Variants in QPRT observed in about 807,000 individuals in gnomAD.
QPRT encodes nicotinate-nucleotide pyrophosphorylase [carboxylating].
A neutral mutation model predicts 19.8 loss-of-function variants in QPRT; 17 were observed. The observed-to-expected ratio is 0.86, with a 90% CI of 0.59 to 1.29. QPRT has a LOEUF of 1.29. QPRT is among the 50% of genes most tolerant of loss of function. QPRT has a pLI of 0.00. For synonymous variants in QPRT, 178 were observed against 191.0 expected, an observed-to-expected ratio of 0.93 and a Z score of 0.56; for missense variants, 336 against 405.1, an observed-to-expected ratio of 0.83 and a Z score of 1.46.
chr16:29,696,139 T>C (rs1365125002), intron 2 of QPRT: 1 of 152,144 alleles, frequency 6.6e-6, no homozygotes, highest in African/African-American at 2.4e-5. Context: ...CAGGTCCAAA[T>C]GCCAAATATT....
upstream of QPRT, chr16:29,679,061 G>C: frequency 6.6e-7 from 1 of 1,510,506 alleles, no homozygotes; most frequent in East Asian, 2.3e-5. Flanking sequence ...CAGGAGGGAG[G>C]CTTGGGGAGC....
intron 1 of QPRT, among the ~76,000 whole-genome samples, chr16:29,679,559 G>A (rs77256672): frequency 0.012 from 1,842 of 152,024 alleles, 36 homozygotes; most frequent in African/African-American, 0.042. Flanking sequence ...TTCTGCTCTC[G>A]CTGGTAGCTC....
intron 1 of QPRT, among the ~76,000 whole-genome samples, chr16:29,685,626 T>C (rs1967137453): frequency 6.6e-6 from 1 of 152,134 alleles, no homozygotes; most frequent in African/African-American, 2.4e-5. Context: ...AGCCTTCTTT[T>C]GCCTCCCAAT....
chr16:29,679,351 A>G, intron 1 of QPRT, 141 bp downstream of exon 1: 1 of 577,206 alleles, frequency 1.7e-6, no homozygotes, highest in Non-Finnish European at 3.1e-6. Flanking sequence ...TCCCTTACCT[A>G]CCCCATGTCC....
chr16:29,679,102 C>T, upstream of QPRT: 1 of 1,606,076 alleles, frequency 6.2e-7, no homozygotes, highest in Non-Finnish European at 8.5e-7. Context: ...GCTTGATGGG[C>T]CCTCCCTCCC....
At chr16:29,680,020 T>A (rs946572627) in intron 1 of QPRT, among the ~76,000 whole-genome samples, 2 of 150,180 alleles carry the variant, frequency 1.3e-5, no homozygotes, top group East Asian at 3.9e-4. Context: ...TGCAGTGGCG[T>A]GATCTCGGCT....
At chr16:29,687,306 G>A (rs1967191697) in intron 1 of QPRT, among the ~76,000 whole-genome samples, 1 of 152,138 alleles carries the variant, frequency 6.6e-6, no homozygotes, top group Non-Finnish European at 1.5e-5. Context: ...ATATAAATGT[G>A]CTGCTTTTAT....
chr16:29,680,588 TGG>T (rs1966970883), intron 1 of QPRT, among the ~76,000 whole-genome samples: 1 of 152,094 alleles, frequency 6.6e-6, no homozygotes, highest in African/African-American at 2.4e-5. Flanking sequence ...TGTGTGACCA[TGG>T]GTGGGTCCTG....
chr16:29,680,043 C>T (rs553255893), intron 1 of QPRT, among the ~76,000 whole-genome samples: 20 of 151,242 alleles, frequency 1.3e-4, no homozygotes, highest in Non-Finnish European at 2.5e-4. Flanking sequence ...CTGCAAGCTC[C>T]GCCTCCCGGG....
Position 29,697,324 on chromosome 16 carries a change from G to A in QPRT, c.807G>A (p.Met269Ile), listed in dbSNP as rs1175460015. 1.9e-6 allele frequency: 3 copies of A among 1,614,042 alleles called. No individual in the cohort carries two copies. Among genetic ancestry groups the A allele is most frequent in the African/African-American group, 1.3e-5 (1 of 74,936 alleles). Residue 269 changes from methionine (M) to isoleucine (I), a missense_variant, in exon 4 of 4, where the codon ATG (methionine) becomes ATA (isoleucine). Met to Ile is a conservative substitution (Grantham distance 10, BLOSUM62 1). Transcript: ENST00000395384. The surrounding 1 kb of genome is among the most constrained non-coding windows in gnomAD (Gnocchi z 4.4). ...GGCCGCACATAGACGTCATCTCCAT[G>A]GGGATGCTGACCCAGGCGGCCCCAG... ...FCGPHIDVIS[M>I]GMLTQAAPAL...
At chr16:29,694,631 CCAA>C (rs750219273) in intron 1 of QPRT, 30 bp from the exon 2 acceptor site, 2 of 1,509,750 alleles carry the variant, frequency 1.3e-6, no homozygotes, top group Non-Finnish European at 1.8e-6. Flanking sequence ...GGAGAGGCAG[CCAA>C]ACTCAACAGC....
chr16:29,694,602 A>T (rs1022355110), intron 1 of QPRT, 62 bp from the exon 2 acceptor site: 12 of 1,467,400 alleles, frequency 8.2e-6, no homozygotes, highest in Non-Finnish European at 1.1e-5. Context: ...AAATATTTTG[A>T]CAGTGACCCC....
chr16:29,683,149 C>T lies in QPRT; in HGVS notation c.13+3939C>T, dbSNP rs371340019. Among the ~76,000 whole-genome samples, 17 of 151,908 alleles carry T rather than the reference C, an allele frequency of 1.1e-4. No individual in the cohort carries two copies. In the South Asian group the frequency reaches 3.1e-3, roughly 28 times the overall value. On this transcript the variant is annotated intron_variant, in intron 1 of 3. Coordinates refer to ENST00000395384, the MANE Select transcript of QPRT (RefSeq NM_014298.6). The stretch of plus-strand genomic sequence containing the variant: ...AAGCGATTCTCTCACCCCAGTCTCC[C>T]GAGTAGCTGGGATTACAGGCGTGCA...
intron 1 of QPRT, among the ~76,000 whole-genome samples, chr16:29,686,678 G>T (rs1967172206): frequency 6.6e-6 from 1 of 151,676 alleles, no homozygotes; most frequent in Non-Finnish European, 1.5e-5. Flanking sequence ...TTTATTTTTT[G>T]TATTTTTAGT....
At position 29,695,132 on chromosome 16, in the gene QPRT, G is replaced by A. The variant is rs775190598; in HGVS notation, c.482G>A (p.Arg161His). Residue 161 changes from arginine to histidine, a missense_variant, in exon 2 of 4, where the codon CGC becomes CAC. Physicochemically the swap from Arg to His is conservative, Grantham distance 29 (BLOSUM62 0). Coordinates refer to ENST00000395384, the MANE Select transcript of QPRT (RefSeq NM_014298.6). ...GLLVGGAASHRYDLGGLVMVK... is the reference protein window; with the variant it reads ...GLLVGGAASHHYDLGGLVMVK... ...CTGGTGGGCGGGGCCGCCTCGCACC[G>A]CTACGACCTGGGAGGGCTGGTGATG... is the stretch of plus-strand genomic sequence containing the variant. The A allele has an allele frequency of 1.0e-5, 16 of 1,585,464 alleles. No individual in the cohort carries two copies. The highest frequency in any genetic ancestry group is 1.9e-5 in the Admixed American group (1 of 53,692).
At chr16:29,688,341 A>T (rs888109808) in intron 1 of QPRT, among the ~76,000 whole-genome samples, 3 of 152,036 alleles carry the variant, frequency 2.0e-5, no homozygotes, top group African/African-American at 7.2e-5. Context: ...GGGCAATCAG[A>T]TGTGGAGGAT....
chr16:29,689,089 G>A (rs1967249178), intron 1 of QPRT, among the ~76,000 whole-genome samples: 1 of 146,594 alleles, frequency 6.8e-6, no homozygotes, highest in Non-Finnish European at 1.5e-5. Context: ...CCTTTTGTTT[G>A]TTTTTAAATT....
At chr16:29,691,145 A>G (rs1203300747) in intron 1 of QPRT, among the ~76,000 whole-genome samples, 1 of 150,572 alleles carries the variant, frequency 6.6e-6, no homozygotes, top group African/African-American at 2.4e-5. Context: ...CGGGAGGATC[A>G]CCTGAGGTCA....
At chr16:29,684,180 T>A (rs1243128683) in intron 1 of QPRT, among the ~76,000 whole-genome samples, 1 of 151,860 alleles carries the variant, frequency 6.6e-6, no homozygotes, top group Non-Finnish European at 1.5e-5. Context: ...AGTGCAGTGG[T>A]GCAATCACAG....
Sources: allele counts gnomAD v4.1 joint callset (sites outside exome capture counted in the v4.1 genomes callset), GRCh38; gene constraint gnomAD v4.1.1; non-coding constraint Gnocchi (gnomAD v3.1); transcripts MANE v1.5; gene names NCBI Gene and HGNC (gene_info 2026-07-23, HGNC 2026-07-21).